The following SHISA7 variants were observed in gnomAD, a reference collection of about 807,000 sequenced individuals.
The protein encoded by SHISA7 is shisa family member 7, also known as protein shisa-7.
Under a neutral mutation model 23.9 loss-of-function variants are expected in SHISA7, and 6 were observed. The observed-to-expected ratio is 0.25, with a 90% CI of 0.14 to 0.50. SHISA7 has a LOEUF of 0.50. SHISA7 is among the 20% of genes least tolerant of loss of function. The pLI, the probability that SHISA7 is intolerant of heterozygous loss-of-function variation, is 0.98. For synonymous variants in SHISA7, 386 were observed against 398.3 expected, an observed-to-expected ratio of 0.97 and a Z score of 0.37; for missense variants, 671 against 801.1, an observed-to-expected ratio of 0.84 and a Z score of 1.96.
At chr19:55,439,551 C>T (rs921763023) in intron 2 of SHISA7, among the ~76,000 whole-genome samples, 2 of 152,228 alleles carry the variant, frequency 1.3e-5, no homozygotes, top group Non-Finnish European at 2.9e-5. Context: ...TCAGCCCAGC[C>T]TGGCGCTCAA....
rs1436934384 is a variant in SHISA7 at position 55,432,811 on chromosome 19, TC to T, written c.*344del. 7.9e-6 allele frequency: 2 copies of T among 252,270 alleles called. No homozygotes were observed. Among genetic ancestry groups the T allele is most frequent in the African/African-American group, 2.3e-5 (1 of 43,446 alleles). The allele number at this position is 252,270 out of a possible 1,614,324, so 15.6% of individuals were successfully genotyped here. On this transcript the variant is annotated 3_prime_UTR_variant, in exon 4 of 4. Coordinates refer to ENST00000376325, the MANE Select transcript of SHISA7 (RefSeq NM_001145176.2). This position sits in a 1 kb window ranked among gnomAD's most constrained non-coding sequence, Gnocchi z 4.6. ...GACACCATAGAACATGGACATGGCC[TC>T]CAGCGCTGACCTCACGGGCCGGCCT...
In SHISA7 at chr19:55,438,444, C is replaced by T. The variant is rs987419419; in HGVS notation, c.827-690G>A. ...GGCCAGACCATGAGCGCCATGAGGA[C>T]TGGGCTCACAGGGGTCTCACTCCTG... On this transcript the variant is annotated intron_variant, in intron 2 of 3. Transcript: ENST00000376325. 8 of 909,012 alleles carry T rather than the reference C, an allele frequency of 8.8e-6. No individual in the cohort carries two copies. In the African/African-American group the frequency reaches 1.0e-4, roughly 12 times the overall value. 56.3% of individuals were successfully genotyped at this position (909,012 alleles called of 1,614,324 possible).
At position 55,442,660 on chromosome 19, in the gene SHISA7, C is replaced by G. The variant is rs768705516; in HGVS notation, c.204G>C (p.Gly68=). 1.6e-6 allele frequency: 2 copies of G among 1,278,034 alleles called. No individual in the cohort carries two copies. Among genetic ancestry groups the G allele is most frequent in the South Asian group, 1.7e-5 (1 of 58,222 alleles). 79.2% of individuals were successfully genotyped at this position (1,278,034 alleles called of 1,614,324 possible). ...GGGGCGCCCGGGCCGCCGCGCCCGCCCCGCCCGCGGGGCCGGTCCTGGTGC... is the reference window on the plus strand; with the variant it reads ...GGGGCGCCCGGGCCGCCGCGCCCGCGCCGCCCGCGGGGCCGGTCCTGGTGC... ...ANGTRTGPAG[G]AGAAARAPPP... is the part of the protein sequence containing the mutation. Residue 68 remains glycine, a synonymous_variant, in exon 1 of 4, where the codon GGG becomes GGC. Coordinates refer to ENST00000376325, the MANE Select transcript of SHISA7 (RefSeq NM_001145176.2).
intron 3 of SHISA7, among the ~76,000 whole-genome samples, chr19:55,437,149 G>C (rs1019735507): frequency 6.6e-6 from 1 of 152,258 alleles, no homozygotes; most frequent in East Asian, 1.9e-4. Context: ...CCCTGAGCTG[G>C]TAGAACGGCA....
At position 55,433,654 on chromosome 19, in the gene SHISA7, G is replaced by A; in HGVS notation, c.1119C>T (p.Gly373=). 1 of 1,489,982 alleles carries A rather than the reference G, an allele frequency of 6.7e-7. No individual in the cohort carries two copies. Among genetic ancestry groups the A allele is most frequent in the Non-Finnish European group, 8.9e-7 (1 of 1,127,424 alleles). 92.3% of individuals were successfully genotyped at this position (1,489,982 alleles called of 1,614,324 possible). A position where few individuals can be genotyped will look rare whatever the true frequency, so the allele number is the denominator to read the frequency against. The change falls in exon 4 of 4, where the codon GGC becomes GGT. Residue 373 remains glycine (G), a synonymous_variant. Transcript: ENST00000376325. The surrounding 1 kb of genome is among the most constrained non-coding windows in gnomAD (Gnocchi z 8.4). ...MEAWGGPEEL[G]LAPAPNPRRV... is the part of the protein sequence containing the mutation. ...GCCGGGGGTTGGGCGCGGGCGCCAG[G>A]CCCAGCTCCTCTGGGCCGCCCCAGG...
chr19:55,442,833 C>G lies in SHISA7; in HGVS notation c.31G>C (p.Ala11Pro). 7.2e-7 allele frequency: 1 copy of G among 1,393,020 alleles called. No homozygotes were observed. Among genetic ancestry groups the G allele is most frequent in the Non-Finnish European group, 9.3e-7 (1 of 1,075,158 alleles). 86.3% of individuals were successfully genotyped at this position (1,393,020 alleles called of 1,614,324 possible). A position where few individuals can be genotyped will look rare whatever the true frequency, so the allele number is the denominator to read the frequency against. The change falls in exon 1 of 4, where the codon GCC (alanine) becomes CCC (proline). Residue 11 changes from alanine to proline, a missense_variant. Around this residue, in one of 5 missense-constraint regions of SHISA7, gnomAD observed 96 missense variants for 113.1 expected, o/e 0.85. Coordinates refer to ENST00000376325, the MANE Select transcript of SHISA7 (RefSeq NM_001145176.2). Reference protein sequence around the residue: MPALLLLVLLASSAGQARARP... With the variant: MPALLLLVLLPSSAGQARARP... The stretch of plus-strand genomic sequence containing the variant: ...GCCCTGGCCTGGCCGGCGCTAGAGG[C>G]CAGGAGTACGAGGAGCAGGAGGGCC...
rs1278259394 is a variant in SHISA7, at chr19:55,433,432, C to A, written c.1341G>T (p.Leu447=). ...GCAGCAGGTTGGAGTGCGAGGCGGC[C>A]AGGCTGGCCCGGGCGGTGGGGTCGG... ...LPPDPTARAS[L]AASHSNLLLG... is the part of the protein sequence containing the mutation. The change falls in exon 4 of 4, where the codon CTG becomes CTT. Residue 447 remains leucine, a synonymous_variant. Transcript: ENST00000376325. This position sits in a 1 kb window ranked among gnomAD's most constrained non-coding sequence, Gnocchi z 8.4. The A allele has an allele frequency of 4.5e-6, 6 of 1,326,614 alleles. No homozygotes were observed. Among genetic ancestry groups the A allele is most frequent in the Non-Finnish European group, 5.7e-6 (6 of 1,046,616 alleles). 82.2% of individuals were successfully genotyped at this position (1,326,614 alleles called of 1,614,324 possible).
At position 55,437,629 on chromosome 19, in the gene SHISA7, G is replaced by T. The variant is rs1350528175; in HGVS notation, c.952C>A (p.Arg318Ser). 7 of 1,551,316 alleles carry T rather than the reference G, an allele frequency of 4.5e-6. No homozygotes were observed. The highest frequency in any genetic ancestry group is 1.4e-5 in the African/African-American group (1 of 73,024). ...YEAAVKSELN[R>S]YSSLKRLAEK... ...CCCAGCCTCTTGAGGGAAGAGTAGC[G>T]GTTCAGCTCGGATTTCACGGCAGCC... is the stretch of plus-strand genomic sequence containing the variant. The change falls in exon 3 of 4, where the codon CGC becomes AGC. Residue 318 changes from arginine (R) to serine (S), a missense_variant. Coordinates refer to ENST00000376325, the MANE Select transcript of SHISA7 (RefSeq NM_001145176.2).
rs1985101052 is a variant in SHISA7 at position 55,428,992 on chromosome 19, G to A, written c.*4164C>T. On this transcript the variant is annotated 3_prime_UTR_variant, in exon 4 of 4. Transcript: ENST00000376325. ...GTGTGTGTGTGCTTGTGTATGCATG[G>A]GTTTGTGTGCATTTGCATTTGTTGG... 1 of 152,366 alleles carries A rather than the reference G, an allele frequency of 6.6e-6. No individual in the cohort carries two copies. Among genetic ancestry groups the A allele is most frequent in the Non-Finnish European group, 1.5e-5 (1 of 68,246 alleles). The allele number at this position is 152,366 out of a possible 1,614,324, so 9.4% of individuals were successfully genotyped here.
intron 2 of SHISA7, chr19:55,438,539 G>T: frequency 2.3e-6 from 3 of 1,303,990 alleles, no homozygotes; most frequent in South Asian, 1.2e-5. Context: ...GCTCTTTTCC[G>T]CAGCCGGGCC....
In SHISA7 at chr19:55,442,602, C is replaced by G; in HGVS notation, c.262G>C (p.Val88Leu). 1 of 1,448,478 alleles carries G rather than the reference C, an allele frequency of 6.9e-7. No individual in the cohort carries two copies. The allele number at this position is 1,448,478 out of a possible 1,614,324, so 89.7% of individuals were successfully genotyped here. ...PAELCHGYYD[V>L]MGQYDATFNC... ...AAGGTGGCGTCGTACTGGCCCATGA[C>G]ATCGTAGTAGCCGTGGCAGAGCTCG... The change falls in exon 1 of 4, where the codon GTC becomes CTC. Residue 88 changes from valine to leucine, a missense_variant. Coordinates refer to ENST00000376325, the MANE Select transcript of SHISA7 (RefSeq NM_001145176.2).
chr19:55,442,230 G>T lies in SHISA7; in HGVS notation c.634C>A (p.Arg212Ser), dbSNP rs984493474. Residue 212 changes from arginine (R) to serine (S), a missense_variant, in exon 1 of 4, where the codon CGT (arginine) becomes AGT (serine). Physicochemically the swap from Arg to Ser is moderately radical, Grantham distance 110. Around this residue, in one of 5 missense-constraint regions of SHISA7, gnomAD observed 457 missense variants for 488.3 expected, o/e 0.94. Coordinates refer to ENST00000376325, the MANE Select transcript of SHISA7 (RefSeq NM_001145176.2). ...ATATCCCGGTGCGCCCGGGGCGCAC[G>T]GGACGCCTTGCTGAAGGCCACTTTG... ...GAKVAFSKAS[R>S]APRAHRDINV... 6.5e-7 allele frequency: 1 copy of T among 1,534,100 alleles called. No individual in the cohort carries two copies. Among genetic ancestry groups the T allele is most frequent in the Non-Finnish European group, 8.7e-7 (1 of 1,145,924 alleles).
intron 2 of SHISA7, among the ~76,000 whole-genome samples, chr19:55,438,048 TCCTCCCTCA>T (rs1985510694): frequency 4.0e-5 from 2 of 50,420 alleles, no homozygotes; most frequent in African/African-American, 1.6e-4. Flanking sequence ...CCCCAGCCCC[TCCTCCCTCA>T]GACCCAGGCG....
rs1380386491 is a variant in SHISA7, at chr19:55,442,946, G to T, written c.-83C>A. On this transcript the variant is annotated 5_prime_UTR_variant, in exon 1 of 4. Transcript: ENST00000376325. ...TTGGAGCGCTGGGCGGGAGAGAAACGGTCAGAGGGTGAGAAACGTAGAGAT... is the reference window on the plus strand; with the variant it reads ...TTGGAGCGCTGGGCGGGAGAGAAACTGTCAGAGGGTGAGAAACGTAGAGAT... 4 of 817,488 alleles carry T rather than the reference G, an allele frequency of 4.9e-6. No individual in the cohort carries two copies. In the African/African-American group the frequency reaches 5.7e-5, roughly 12 times the overall value. The allele number at this position is 817,488 out of a possible 1,614,324, so 50.6% of individuals were successfully genotyped here. A position where few individuals can be genotyped will look rare whatever the true frequency, so the allele number is the denominator to read the frequency against.
chr19:55,433,885 G>T lies in SHISA7; in HGVS notation c.977-89C>A. On this transcript the variant is annotated intron_variant, in intron 3 of 3. Transcript: ENST00000376325. The surrounding 1 kb of genome is among the most constrained non-coding windows in gnomAD (Gnocchi z 8.4). ...CCACCTCGTCACATCCCGCTCCTATGCTCCTTGTGCCCCCACAAGGATCCT... is the reference window on the plus strand; with the variant it reads ...CCACCTCGTCACATCCCGCTCCTATTCTCCTTGTGCCCCCACAAGGATCCT... 2 of 1,299,722 alleles carry T rather than the reference G, an allele frequency of 1.5e-6. No individual in the cohort carries two copies. The highest frequency in any genetic ancestry group is 2.0e-6 in the Non-Finnish European group (2 of 1,017,270). 80.5% of individuals were successfully genotyped at this position (1,299,722 alleles called of 1,614,324 possible).
rs941113772 is a variant in SHISA7 at position 55,429,515 on chromosome 19, G to T, written c.*3641C>A. 5.9e-5 allele frequency: 9 copies of T among 152,236 alleles called. No individual in the cohort carries two copies. Among genetic ancestry groups the T allele is most frequent in the African/African-American group, 1.9e-4 (8 of 41,422 alleles). 9.4% of individuals were successfully genotyped at this position (152,236 alleles called of 1,614,324 possible). A position where few individuals can be genotyped will look rare whatever the true frequency, so the allele number is the denominator to read the frequency against. ...AACCCCCATTTCCTCAGTGTGGTGG[G>T]AACCAAGGGCCAGTTGTCTGCCCCA... is the stretch of plus-strand genomic sequence containing the variant. On this transcript the variant is annotated 3_prime_UTR_variant, in exon 4 of 4. Transcript: ENST00000376325.
intron 2 of SHISA7, among the ~76,000 whole-genome samples, chr19:55,440,131 C>A (rs1985562422): frequency 6.6e-6 from 1 of 152,160 alleles, no homozygotes; most frequent in Non-Finnish European, 1.5e-5. Context: ...ATTTGCTCTT[C>A]ACCATAACCC....
At position 55,442,062 on chromosome 19, in the gene SHISA7, C is replaced by T. The variant is rs1383742689; in HGVS notation, c.671+131G>A. ...CTCAGCCCCTGCCCACCTTCAGCTACGCCGGCGGCCGCCACCTGGGTCTCT... is the reference window on the plus strand; with the variant it reads ...CTCAGCCCCTGCCCACCTTCAGCTATGCCGGCGGCCGCCACCTGGGTCTCT... On this transcript the variant is annotated intron_variant, in intron 1 of 3. Transcript: ENST00000376325. 10 of 925,020 alleles carry T rather than the reference C, an allele frequency of 1.1e-5. No homozygotes were observed. The South Asian group carries it at 1.7e-4, about 15-fold the overall frequency. The allele number at this position is 925,020 out of a possible 1,614,324, so 57.3% of individuals were successfully genotyped here. A position where few individuals can be genotyped will look rare whatever the true frequency, so the allele number is the denominator to read the frequency against.
intron 3 of SHISA7, among the ~76,000 whole-genome samples, chr19:55,436,152 T>C (rs1985453826): frequency 6.6e-6 from 1 of 150,846 alleles, no homozygotes; most frequent in Admixed American, 6.6e-5. Context: ...CCAGGAGTGG[T>C]GGCATGTGCC....
Sources: gnomAD v4.1 joint callset for allele counts (sites outside exome capture counted in the v4.1 genomes callset) on GRCh38, gnomAD v4.1.1 for gene constraint, gnomAD v4.1.1 regional missense constraint, Gnocchi (gnomAD v3.1) non-coding constraint, MANE v1.5 for transcripts, NCBI Gene and HGNC (gene_info 2026-07-23, HGNC 2026-07-21) for gene names.